RPS6KA6: variants seen among roughly 807,000 people sequenced by gnomAD.
RPS6KA6 encodes the protein ribosomal protein S6 kinase A6.
In RPS6KA6, 27 loss-of-function variants were observed where a neutral mutation model predicts 65.4. That is an observed-to-expected ratio of 0.41 (90% CI 0.30 to 0.57). The LOEUF (loss-of-function observed/expected upper bound fraction) is 0.57, where lower values mean the gene tolerates loss of function less well. RPS6KA6 is among the 20% of genes least tolerant of loss of function. The pLI is 0.24. For missense variants in RPS6KA6, 486 were observed against 555.6 expected (o/e 0.87, Z 1.26); for synonymous variants, 190 against 184.2 (o/e 1.03, Z -0.26).
chrX:84,094,488 A>G (rs1231579611), intron 20 of RPS6KA6, among the ~76,000 whole-genome samples: 1 of 107,593 alleles, frequency 9.3e-6, no homozygotes, highest in Non-Finnish European at 1.9e-5. Context: ...TAAAAAAAAT[A>G]AAAAACATTA....
At chrX:84,181,224 G>C (rs955049909) in intron 1 of RPS6KA6, among the ~76,000 whole-genome samples, 3 of 111,662 alleles carry the variant, frequency 2.7e-5, no homozygotes, top group Non-Finnish European at 5.7e-5. Flanking sequence ...TTTTTTGTTA[G>C]AGATGTAATG....
intron 20 of RPS6KA6, among the ~76,000 whole-genome samples, chrX:84,079,820 C>T (rs181521744): frequency 1.8e-5 from 2 of 112,436 alleles, no homozygotes; most frequent in Non-Finnish European, 3.8e-5. Context: ...AAGGCAGCAG[C>T]CACAGTCAGG....
intron 1 of RPS6KA6, chrX:84,186,653 A>G (rs917926702): frequency 9.1e-5 from 10 of 110,073 alleles, no homozygotes; most frequent in African/African-American, 3.0e-4. Context: ...AAATTTAAAG[A>G]AAAAAAAACA....
At chrX:84,163,501 C>T (rs1056675527) in intron 2 of RPS6KA6, among the ~76,000 whole-genome samples, 4 of 105,074 alleles carry the variant, frequency 3.8e-5, no homozygotes, top group East Asian at 3.0e-4. Context: ...TAGCCGGGCG[C>T]GGTGGCGGGC....
chrX:84,086,575 A>C (rs2033927240), intron 20 of RPS6KA6, among the ~76,000 whole-genome samples: 1 of 110,051 alleles, frequency 9.1e-6, no homozygotes, highest in Admixed American at 9.7e-5. Context: ...GGAGTGTTTT[A>C]TTTCCAATTG....
intron 3 of RPS6KA6, among the ~76,000 whole-genome samples, chrX:84,152,617 T>A (rs2035347996): frequency 9.0e-6 from 1 of 111,695 alleles, no homozygotes; most frequent in Non-Finnish European, 1.9e-5. Context: ...AGTTATTCAA[T>A]CAACAAATTA....
At chrX:84,111,007 T>C (rs1480506445) in intron 12 of RPS6KA6, among the ~76,000 whole-genome samples, 4 of 106,113 alleles carry the variant, frequency 3.8e-5, no homozygotes, top group Non-Finnish European at 7.7e-5. Context: ...TATATATATA[T>C]ATATTTAAAT....
intron 12 of RPS6KA6, among the ~76,000 whole-genome samples, chrX:84,108,148 A>C (rs2034396736): frequency 8.9e-6 from 1 of 112,119 alleles, no homozygotes; most frequent in African/African-American, 3.2e-5. Context: ...CAGATAATTG[A>C]AAATTTAGTC....
chrX:84,187,733 C>A, intron 1 of RPS6KA6, 86 bp downstream of exon 1: 3 of 953,094 alleles, frequency 3.1e-6, no homozygotes, highest in Non-Finnish European at 4.4e-6. Context: ...CCCGGCCCTA[C>A]GCCTCTCCTC....
At chrX:84,082,677 C>G (rs957688040) in intron 20 of RPS6KA6, among the ~76,000 whole-genome samples, 2 of 111,566 alleles carry the variant, frequency 1.8e-5, no homozygotes, top group African/African-American at 3.3e-5. Flanking sequence ...GGAGGCATCA[C>G]GCTACCTGAC....
chrX:84,144,272 A>G (rs1019562476), intron 6 of RPS6KA6, among the ~76,000 whole-genome samples: 1 of 111,261 alleles, frequency 9.0e-6, no homozygotes, highest in Non-Finnish European at 1.9e-5. Context: ...ATATTTCCAA[A>G]TAACATATAT....
chrX:84,134,788 A>C lies in RPS6KA6; in HGVS notation c.640T>G (p.Leu214Val). 8.9e-7 allele frequency: 1 copy of C among 1,129,037 alleles called. No individual in the cohort carries two copies. Among genetic ancestry groups the C allele is most frequent in the Non-Finnish European group, 1.2e-6 (1 of 840,485 alleles). The allele number at this position is 1,129,037 out of a possible 1,213,427, so 93.0% of individuals were successfully genotyped here. A position where few individuals can be genotyped will look rare whatever the true frequency, so the allele number is the denominator to read the frequency against. The change falls in exon 8 of 22, where the codon TTA becomes GTA. Residue 214 changes from leucine (L) to valine (V), a missense_variant. By Grantham distance (32) the Leu-to-Val change is conservative. This residue lies in a region of RPS6KA6 where 35 missense variants were observed against 75.5 expected (regional missense o/e 0.46). Transcript: ENST00000262752. ...AATAAGAAAATCTGCATACCTGTTAATTTGATATGTCCTATTTCATCAAGC... is the reference window on the plus strand; with the variant it reads ...AATAAGAAAATCTGCATACCTGTTACTTTGATATGTCCTATTTCATCAAGC... ...ILLDEIGHIKLTDFGLSKESV... is the reference protein window; with the variant it reads ...ILLDEIGHIKVTDFGLSKESV...
intron 1 of RPS6KA6, among the ~76,000 whole-genome samples, chrX:84,173,383 C>A (rs980994488): frequency 9.0e-6 from 1 of 111,386 alleles, no homozygotes; most frequent in Non-Finnish European, 1.9e-5. Context: ...GCAATTTCTT[C>A]ATCTGTAAAA....
intron 3 of RPS6KA6, among the ~76,000 whole-genome samples, chrX:84,149,083 G>T (rs1480740698): frequency 9.0e-6 from 1 of 111,729 alleles, no homozygotes; most frequent in Non-Finnish European, 1.9e-5. Flanking sequence ...ATCTTCACCA[G>T]AAGTAGATTT....
At chrX:84,179,240 A>AT (rs1320525274) in intron 1 of RPS6KA6, among the ~76,000 whole-genome samples, 6 of 110,619 alleles carry the variant, frequency 5.4e-5, no homozygotes, top group East Asian at 2.8e-4. Flanking sequence ...TAGAATAGCT[A>AT]TTTTTTTTCA....
intron 12 of RPS6KA6, among the ~76,000 whole-genome samples, chrX:84,112,745 C>T (rs1456024553): frequency 8.9e-6 from 1 of 111,793 alleles, no homozygotes; most frequent in African/African-American, 3.3e-5. Flanking sequence ...GACCTATTGT[C>T]AAACTACACG....
At chrX:84,150,611 A>G (rs925078363) in intron 3 of RPS6KA6, among the ~76,000 whole-genome samples, 1 of 109,313 alleles carries the variant, frequency 9.1e-6, no homozygotes, top group East Asian at 2.9e-4. Flanking sequence ...TAGCCAGAAC[A>G]CACACACCAG....
At chrX:84,096,523 A>C (rs747505066) in intron 19 of RPS6KA6, among the ~76,000 whole-genome samples, 14 of 111,586 alleles carry the variant, frequency 1.3e-4, no homozygotes, top group African/African-American at 4.5e-4. Flanking sequence ...TGTTTACATC[A>C]ATTATTTCTT....
chrX:84,151,167 GATAT>G (rs1197482830), intron 3 of RPS6KA6, among the ~76,000 whole-genome samples: 1 of 94,712 alleles, frequency 1.1e-5, no homozygotes, highest in African/African-American at 4.0e-5. Flanking sequence ...AGGATATATA[GATAT>G]ATATATAGCT....
Sources: gnomAD v4.1 joint callset for allele counts (sites outside exome capture counted in the v4.1 genomes callset) on GRCh38, gnomAD v4.1.1 for gene constraint, gnomAD v4.1.1 regional missense constraint, MANE v1.5 for transcripts, NCBI Gene and HGNC (gene_info 2026-07-23, HGNC 2026-07-21) for gene names.